The following ANO9 variants were observed in gnomAD, a reference collection of about 807,000 sequenced individuals.
The protein encoded by ANO9 is anoctamin 9.
Under a neutral mutation model 100.5 loss-of-function variants are expected in ANO9, and 80 were observed. The ratio of observed to expected loss-of-function variants is 0.80; its 90% CI spans 0.66 to 0.96. ANO9 has a LOEUF of 0.96. Ranked by LOEUF, ANO9 falls within the 40% of genes least tolerant of loss-of-function variation. ANO9 has a pLI of 0.00. For synonymous variants in ANO9, 473 were observed against 435.6 expected (o/e 1.09, Z -1.07); for missense variants, 1,064 against 1,072.7 (o/e 0.99, Z 0.11).
At chr11:428,867 A>G in intron 11 of ANO9, 41 bp from the exon 12 acceptor site, 1 of 1,577,164 alleles carries the variant, frequency 6.3e-7, no homozygotes. Context: ...AGGGACACTC[A>G]CCCCACATGT....
intron 9 of ANO9, 48 bp from the exon 10 acceptor site, chr11:429,866 G>A: frequency 1.3e-6 from 2 of 1,518,884 alleles, no homozygotes; most frequent in South Asian, 1.2e-5. Flanking sequence ...GAGCTGGGGA[G>A]GGGGGCAGGT....
chr11:420,454 C>G lies in ANO9; in HGVS notation c.1786+9G>C, dbSNP rs901095076. The G allele has an allele frequency of 1.9e-6, 3 of 1,600,378 alleles. No individual in the cohort carries two copies. Among genetic ancestry groups the G allele is most frequent in the East Asian group, 2.2e-5 (1 of 44,786 alleles). On this transcript the variant is annotated intron_variant, in intron 19 of 22. Coordinates refer to ENST00000332826, the MANE Select transcript of ANO9 (RefSeq NM_001012302.3). Reference sequence around the variant, plus strand: ...AGTTCCCGCCCATCCTGCGCCCGCCCGGTCTGACCGATGTCCTTGGCCTTG... The same window carrying G: ...AGTTCCCGCCCATCCTGCGCCCGCCGGGTCTGACCGATGTCCTTGGCCTTG...
intron 20 of ANO9, chr11:419,218 TGGCCCTG>T (rs1848028194): frequency 7.0e-7 from 1 of 1,427,576 alleles, no homozygotes; most frequent in Non-Finnish European, 9.1e-7. Flanking sequence ...TGCCAGAGAC[TGGCCCTG>T]GGGACCCAGT....
Position 432,000 on chromosome 11 carries a change from A to G in ANO9, c.405T>C (p.Gly135=). ...FVVMNNKTSA[G]ETFEDLMKDG... ...TCAGTGCCCCACCCCTGCCCTTACCACCAGCCGAGGTCTTGTTGTTCATGA... is the reference window on the plus strand; with the variant it reads ...TCAGTGCCCCACCCCTGCCCTTACCGCCAGCCGAGGTCTTGTTGTTCATGA... Residue 135 remains glycine (G), a splice_region_variant and synonymous_variant, in exon 5 of 23, where the codon GGT becomes GGC. Coordinates refer to ENST00000332826, the MANE Select transcript of ANO9 (RefSeq NM_001012302.3). 1 of 1,612,720 alleles carries G rather than the reference A, an allele frequency of 6.2e-7. No homozygotes were observed. Among genetic ancestry groups the G allele is most frequent in the Non-Finnish European group, 8.5e-7 (1 of 1,179,694 alleles).
At position 428,794 on chromosome 11, in the gene ANO9, G is replaced by A. The variant is rs771371436; in HGVS notation, c.948C>T (p.Pro316=). 1.7e-5 allele frequency: 28 copies of A among 1,613,166 alleles called. No homozygotes were observed. The highest frequency in any genetic ancestry group is 6.7e-5 in the African/African-American group (5 of 74,932). Residue 316 remains proline, a synonymous_variant, in exon 12 of 23, where the codon CCC becomes CCT. Coordinates refer to ENST00000332826, the MANE Select transcript of ANO9 (RefSeq NM_001012302.3). ...EEMALQLINC[P]DYKLRPYQHS... ...GCTGGTATGGCCGGAGCTTGTAGTC[G>A]GGGCAGTTAATGAGCTGAAGTGCCA...
intron 20 of ANO9, 106 bp from the exon 21 acceptor site, chr11:419,095 GGCCAC>G: frequency 1.3e-6 from 2 of 1,562,370 alleles, no homozygotes; most frequent in Non-Finnish European, 1.7e-6. Context: ...GTGAGGTGGG[GGCCAC>G]GCCACAGACT....
At chr11:433,734 C>T (rs980393204) in intron 3 of ANO9, 81 bp downstream of exon 3, 35 of 1,487,064 alleles carry the variant, frequency 2.4e-5, no homozygotes, top group African/African-American at 4.2e-5. Context: ...GCTGGGCACC[C>T]GCCCCAGCCC....
chr11:439,689 C>G (rs1490752979), intron 1 of ANO9, among the ~76,000 whole-genome samples: 1 of 151,404 alleles, frequency 6.6e-6, no homozygotes, highest in African/African-American at 2.4e-5. Flanking sequence ...ACAGAGGGTC[C>G]CCTTCTGCCC....
rs1849066427 is a variant in ANO9 at position 432,170 on chromosome 11, A to G, written c.351-116T>C. 1 of 1,140,336 alleles carries G rather than the reference A, an allele frequency of 8.8e-7. No individual in the cohort carries two copies. The allele number at this position is 1,140,336 out of a possible 1,614,324, so 70.6% of individuals were successfully genotyped here. On this transcript the variant is annotated intron_variant, in intron 4 of 22. Transcript: ENST00000332826. The surrounding 1 kb of genome is among the most constrained non-coding windows in gnomAD (Gnocchi z 4.8). ...CCCTCCCTGTCCTGGCAGAGCCCCC[A>G]GCCTGCCAGCCCTGACCAGAGCCCA...
At chr11:420,312 C>T (rs1257190016) in intron 19 of ANO9, 151 bp downstream of exon 19, 4 of 1,455,028 alleles carry the variant, frequency 2.7e-6, no homozygotes, top group African/African-American at 2.8e-5. Context: ...AGGCTCAACC[C>T]GCATCCGAGG....
Position 420,622 on chromosome 11 carries a change from G to A in ANO9, c.1634-7C>T, listed in dbSNP as rs1848115487. 1 of 1,604,292 alleles carries A rather than the reference G, an allele frequency of 6.2e-7. No homozygotes were observed. The highest frequency in any genetic ancestry group is 8.5e-7 in the Non-Finnish European group (1 of 1,179,018). ...GTGAAGCCGTACTGGATCACTGCGC[G>A]GTGGGGGTCAGGCTCACCGGCGCCC... On this transcript the variant is annotated splice_region_variant and splice_polypyrimidine_tract_variant and intron_variant, in intron 18 of 22. Transcript: ENST00000332826.
chr11:433,751 C>T, intron 3 of ANO9, 64 bp downstream of exon 3: 1 of 1,515,662 alleles, frequency 6.6e-7, no homozygotes, highest in Non-Finnish European at 8.9e-7. Context: ...GCCCCATGGC[C>T]CTGCCCCTCG....
Position 421,009 on chromosome 11 carries a change from C to G in ANO9, c.1426G>C (p.Val476Leu). Residue 476 changes from valine (V) to leucine (L), a missense_variant, in exon 17 of 23, where the codon GTG becomes CTG. Coordinates refer to ENST00000332826, the MANE Select transcript of ANO9 (RefSeq NM_001012302.3). The surrounding 1 kb of genome is among the most constrained non-coding windows in gnomAD (Gnocchi z 6.8). The stretch of plus-strand genomic sequence containing the variant: ...AGGCCCATGATGATGGCCATCTGCA[C>G]GAAGAGGTCCATCATGCAGCCGCTG... ...HASGCMMDLF[V>L]QMAIIMGLKQ... 6.2e-7 allele frequency: 1 copy of G among 1,605,728 alleles called. No individual in the cohort carries two copies. The highest frequency in any genetic ancestry group is 1.3e-5 in the African/African-American group (1 of 74,896).
At chr11:420,890 C>A in intron 17 of ANO9, 30 bp from the exon 18 acceptor site, 2 of 1,588,046 alleles carry the variant, frequency 1.3e-6, no homozygotes, top group Non-Finnish European at 1.7e-6. Flanking sequence ...GCAGGGAGGG[C>A]GCAGGGGGCG....
chr11:427,001 C>T (rs1848557155), intron 15 of ANO9, among the ~76,000 whole-genome samples: 1 of 152,304 alleles, frequency 6.6e-6, no homozygotes, highest in South Asian at 2.1e-4. Context: ...CCAGGGTTCA[C>T]CCGCAGGAGC....
intron 15 of ANO9, among the ~76,000 whole-genome samples, chr11:427,371 C>T (rs1848579799): frequency 6.6e-6 from 1 of 152,050 alleles, no homozygotes; most frequent in South Asian, 2.1e-4. Context: ...AAAGCTGCAG[C>T]CAGCATCCCT....
chr11:435,844 GTC>G (rs1849483109), intron 1 of ANO9, among the ~76,000 whole-genome samples: 3 of 149,984 alleles, frequency 2.0e-5, no homozygotes, highest in Admixed American at 6.7e-5. Flanking sequence ...GTATAGTCTA[GTC>G]TAGTCTAGTC....
intron 8 of ANO9, 31 bp downstream of exon 8, chr11:430,238 C>A: frequency 6.4e-7 from 1 of 1,552,352 alleles, no homozygotes; most frequent in Non-Finnish European, 8.7e-7. Flanking sequence ...CCCACCCCGG[C>A]CCCCCATGCC....
chr11:441,314 T>A (rs1845853694), intron 1 of ANO9, among the ~76,000 whole-genome samples: 1 of 152,098 alleles, frequency 6.6e-6, no homozygotes, highest in South Asian at 2.1e-4. Flanking sequence ...TCTTTCTACG[T>A]GTTCACCTGC....
Sources: gnomAD v4.1 joint callset for allele counts (sites outside exome capture counted in the v4.1 genomes callset) on GRCh38, gnomAD v4.1.1 for gene constraint, Gnocchi (gnomAD v3.1) non-coding constraint, MANE v1.5 for transcripts, NCBI Gene and HGNC (gene_info 2026-07-23, HGNC 2026-07-21) for gene names.